The following NEO1 variants were observed in gnomAD, a reference collection of about 807,000 sequenced individuals.
The protein encoded by NEO1 is neogenin 1, also known as neogenin.
NEO1 carries 63 observed loss-of-function variants against 159.7 expected under a neutral mutation model. The observed-to-expected ratio is 0.39, with a 90% CI of 0.32 to 0.49. NEO1 has a LOEUF of 0.49. Among genes scored for constraint, NEO1 ranks in the 20% least tolerant of loss-of-function variants. The pLI is 0.85. For synonymous variants in NEO1, 633 were observed against 662.0 expected (o/e 0.96, Z 0.67); for missense variants, 1,615 against 1,831.0 (o/e 0.88, Z 2.15).
rs370457393 is a variant in NEO1 at position 73,301,465 on chromosome 15, C to A, written c.4302+8C>A. The A allele has an allele frequency of 1.9e-6, 3 of 1,614,100 alleles. No individual in the cohort carries two copies. Among genetic ancestry groups the A allele is most frequent in the South Asian group, 1.1e-5 (1 of 91,058 alleles). On this transcript the variant is annotated splice_region_variant and intron_variant, in intron 28 of 28. Coordinates refer to ENST00000261908, the MANE Select transcript of NEO1 (RefSeq NM_002499.4). ...TTGGAAGACTCCGAGAGTGTAAGTT[C>A]GTGGGGCCATCAGTCCAGCCAGATT...
chr15:73,288,823 A>G (rs2042050493), intron 24 of NEO1, among the ~76,000 whole-genome samples: 1 of 152,154 alleles, frequency 6.6e-6, no homozygotes, highest in Non-Finnish European at 1.5e-5. Flanking sequence ...GAGGCTAGCT[A>G]GCCCATGTCT....
chr15:73,104,934 C>T (rs544311403), intron 1 of NEO1, among the ~76,000 whole-genome samples: 12 of 152,158 alleles, frequency 7.9e-5, no homozygotes, highest in Non-Finnish European at 1.8e-4. Context: ...AATCACCTGC[C>T]ACCAGGCCTC....
chr15:73,139,881 A>G (rs1176516004), intron 5 of NEO1, among the ~76,000 whole-genome samples: 2 of 152,220 alleles, frequency 1.3e-5, no homozygotes, highest in Admixed American at 1.3e-4. Flanking sequence ...CAAAGCCTAA[A>G]ATATTTACTG....
chr15:73,182,135 A>G (rs1351352164), intron 7 of NEO1, among the ~76,000 whole-genome samples: 3 of 152,126 alleles, frequency 2.0e-5, no homozygotes, highest in Non-Finnish European at 1.5e-5. Flanking sequence ...ATCAGATCTC[A>G]TGAGACTCAT....
chr15:73,301,325 G>C lies in NEO1; in HGVS notation c.4170G>C (p.Leu1390=). The C allele has an allele frequency of 6.2e-7, 1 of 1,614,128 alleles. No homozygotes were observed. Among genetic ancestry groups the C allele is most frequent in the Non-Finnish European group, 8.5e-7 (1 of 1,180,014 alleles). ...PSTPLLSQQA[L]NHHIHSVKTA... is the part of the protein sequence containing the mutation. ...GATGGTGCCCTTTCCCCTCAGCTCT[G>C]AACCATCACATTCACTCAGTGAAGA... The change falls in exon 28 of 29, where the codon CTG becomes CTC. Residue 1390 remains leucine, a synonymous_variant. Transcript: ENST00000261908.
At position 73,283,043 on chromosome 15, in the gene NEO1, C is replaced by T. The variant is rs2041796618; in HGVS notation, c.3342C>T (p.Val1114=). Residue 1114 remains valine, a synonymous_variant, in exon 23 of 29, where the codon GTC becomes GTT. Transcript: ENST00000261908. ...MLLVIIVSVG[V]ITIVVVVIIA... The stretch of plus-strand genomic sequence containing the variant: ...TGGTCATAATTGTTTCTGTTGGCGT[C>T]ATCACCATCGTGGTGGTTGTGATTA... The T allele has an allele frequency of 6.2e-7, 1 of 1,614,220 alleles. No individual in the cohort carries two copies. Among genetic ancestry groups the T allele is most frequent in the Non-Finnish European group, 8.5e-7 (1 of 1,180,056 alleles).
chr15:73,183,684 G>A (rs2035750400), intron 7 of NEO1, among the ~76,000 whole-genome samples: 1 of 152,076 alleles, frequency 6.6e-6, no homozygotes, highest in Non-Finnish European at 1.5e-5. Context: ...CTACTGTTTG[G>A]GAAAGGTCAA....
chr15:73,064,699 T>C (rs115768239), intron 1 of NEO1, among the ~76,000 whole-genome samples: 2,276 of 152,198 alleles, frequency 0.015, 70 homozygotes, highest in African/African-American at 0.052. Context: ...ACTCCTGGGC[T>C]CAAGTAATTC....
At chr15:73,079,796 G>A (rs758269625) in intron 1 of NEO1, among the ~76,000 whole-genome samples, 1 of 152,150 alleles carries the variant, frequency 6.6e-6, no homozygotes, top group South Asian at 2.1e-4. Context: ...TAGGAAATGA[G>A]AACTTGTGTT....
rs184771672 is a variant in NEO1, at chr15:73,254,872, C to T, written c.2092+43C>T. On this transcript the variant is annotated intron_variant, in intron 13 of 28. Transcript: ENST00000261908. ...AAGGCAAAAGGTACACTGTGTCTTT[C>T]TCAGATATTGAATTATGCTAGTCTA... 3.8e-6 allele frequency: 6 copies of T among 1,582,818 alleles called. No homozygotes were observed. In the East Asian group the frequency reaches 1.1e-4, roughly 30 times the overall value.
chr15:73,281,771 G>C (rs539547663), intron 22 of NEO1, among the ~76,000 whole-genome samples: 1 of 152,180 alleles, frequency 6.6e-6, no homozygotes, highest in Non-Finnish European at 1.5e-5. Flanking sequence ...TATCCATGGT[G>C]GTTAGACATG....
chr15:73,232,883 A>G (rs1235793497), intron 7 of NEO1, among the ~76,000 whole-genome samples: 5 of 152,216 alleles, frequency 3.3e-5, no homozygotes, highest in Non-Finnish European at 7.3e-5. Flanking sequence ...GCCTGGTTGA[A>G]CAATCACTCT....
intron 22 of NEO1, among the ~76,000 whole-genome samples, chr15:73,279,221 T>A (rs1272959770): frequency 6.6e-6 from 1 of 152,198 alleles, no homozygotes; most frequent in Non-Finnish European, 1.5e-5. Flanking sequence ...TTCTTCTCCA[T>A]GTGTATGTGA....
chr15:73,079,964 TCAAAG>T (rs1186137874), intron 1 of NEO1, among the ~76,000 whole-genome samples: 1 of 152,216 alleles, frequency 6.6e-6, no homozygotes, highest in Non-Finnish European at 1.5e-5. Context: ...AGAAAAATTC[TCAAAG>T]CAAAGTTGTT....
intron 7 of NEO1, among the ~76,000 whole-genome samples, chr15:73,184,120 A>G (rs1480099521): frequency 1.3e-5 from 2 of 152,054 alleles, no homozygotes; most frequent in Admixed American, 1.3e-4. Context: ...ATACCATTCA[A>G]ATTTCATTCT....
chr15:73,083,069 G>A (rs2069155416), intron 1 of NEO1, among the ~76,000 whole-genome samples: 1 of 152,188 alleles, frequency 6.6e-6, no homozygotes, highest in South Asian at 2.1e-4. Flanking sequence ...AAGACGGTAG[G>A]AGCAAATAAT....
At chr15:73,200,941 C>T (rs1421378840) in intron 7 of NEO1, among the ~76,000 whole-genome samples, 1 of 151,924 alleles carries the variant, frequency 6.6e-6, no homozygotes, top group East Asian at 1.9e-4. Flanking sequence ...CTTGGCCTCC[C>T]AAAATTTTGG....
chr15:73,288,480 A>C lies in NEO1; in HGVS notation c.3578A>C (p.Asn1193Thr), dbSNP rs367758397. Residue 1193 changes from asparagine (N) to threonine (T), a missense_variant, in exon 24 of 29, where the codon AAC (asparagine) becomes ACC (threonine). Around this residue, in one of 3 missense-constraint regions of NEO1, gnomAD observed 471 missense variants for 498.9 expected, o/e 0.94. Coordinates refer to ENST00000261908, the MANE Select transcript of NEO1 (RefSeq NM_002499.4). ...PIMTDTPIPR[N>T]SQDITPVDNS... ...ATGACTGATACTCCAATTCCTCGCA[A>C]CTCTCAAGATATCACACCAGTTGAC... 4 of 1,614,090 alleles carry C rather than the reference A, an allele frequency of 2.5e-6. No homozygotes were observed. Among genetic ancestry groups the C allele is most frequent in the African/African-American group, 1.3e-5 (1 of 75,006 alleles).
chr15:73,266,566 A>G (rs766266738), intron 16 of NEO1, among the ~76,000 whole-genome samples, 155 bp downstream of exon 16: 37 of 152,190 alleles, frequency 2.4e-4, no homozygotes, highest in Non-Finnish European at 3.4e-4. Context: ...TCAGCATGGA[A>G]AGTTCTGTTA....
Sources: allele counts gnomAD v4.1 joint callset (sites outside exome capture counted in the v4.1 genomes callset), GRCh38; gene constraint gnomAD v4.1.1; regional missense constraint gnomAD v4.1.1; transcripts MANE v1.5; gene names NCBI Gene and HGNC (gene_info 2026-07-23, HGNC 2026-07-21).